IFT81: variants seen among roughly 807,000 people sequenced by gnomAD.
IFT81 encodes the protein intraflagellar transport 81.
In IFT81, 72 loss-of-function variants were observed where a neutral mutation model predicts 102.6. The observed-to-expected ratio is 0.70, with a 90% CI of 0.58 to 0.85. The LOEUF (loss-of-function observed/expected upper bound fraction) is 0.85. Among genes scored for constraint, IFT81 ranks in the 40% least tolerant of loss-of-function variants. The pLI, the probability that IFT81 is intolerant of heterozygous loss-of-function variation, is 0.00. For synonymous variants in IFT81, 237 were observed against 242.7 expected (o/e 0.98, Z 0.22); for missense variants, 723 against 787.3 (o/e 0.92, Z 0.98).
At chr12:110,171,541 GCTTGA>G (rs1179166512) in intron 11 of IFT81, among the ~76,000 whole-genome samples, 5 of 152,158 alleles carry the variant, frequency 3.3e-5, no homozygotes, top group Non-Finnish European at 7.4e-5. Context: ...CATTGCTTAT[GCTTGA>G]CTTGGTGAGA....
chr12:110,206,847 G>A (rs1361655604), intron 17 of IFT81, among the ~76,000 whole-genome samples: 1 of 151,844 alleles, frequency 6.6e-6, no homozygotes, highest in Non-Finnish European at 1.5e-5. Context: ...TTCTTTCATT[G>A]TATGTAAACT....
chr12:110,141,927 T>G (rs1894915775), intron 8 of IFT81, among the ~76,000 whole-genome samples: 2 of 152,076 alleles, frequency 1.3e-5, no homozygotes, highest in South Asian at 4.2e-4. Context: ...TGTAAATGTG[T>G]AAATGGAAAG....
chr12:110,161,076 A>G (rs936370013), intron 10 of IFT81, among the ~76,000 whole-genome samples: 2 of 149,816 alleles, frequency 1.3e-5, no homozygotes, highest in Admixed American at 6.6e-5. Flanking sequence ...TTATTTTATT[A>G]TTGAAGTATA....
chr12:110,177,195 A>C (rs1897071415), intron 11 of IFT81, among the ~76,000 whole-genome samples: 2 of 152,204 alleles, frequency 1.3e-5, no homozygotes, highest in Non-Finnish European at 2.9e-5. Flanking sequence ...TAACCTAATC[A>C]TGGATAGAAA....
chr12:110,184,336 C>T (rs538435404), intron 12 of IFT81, among the ~76,000 whole-genome samples: 9 of 151,986 alleles, frequency 5.9e-5, no homozygotes, highest in African/African-American at 9.6e-5. Flanking sequence ...GGTGACAGAG[C>T]GAGACTCCAT....
intron 11 of IFT81, among the ~76,000 whole-genome samples, chr12:110,175,739 A>T (rs2137496313): frequency 6.6e-6 from 1 of 152,162 alleles, no homozygotes; most frequent in East Asian, 1.9e-4. Context: ...CCACATCATC[A>T]CCAACACTTG....
At chr12:110,196,185 T>A (rs551575424) in intron 14 of IFT81, among the ~76,000 whole-genome samples, 20 of 152,328 alleles carry the variant, frequency 1.3e-4, no homozygotes, top group Admixed American at 1.2e-3. Context: ...AAAAAATGGT[T>A]AAAATGGCAA....
chr12:110,210,619 GTT>G (rs1473310965), intron 18 of IFT81, among the ~76,000 whole-genome samples: 1 of 151,372 alleles, frequency 6.6e-6, no homozygotes, highest in Admixed American at 6.6e-5. Flanking sequence ...TGCACCTGTA[GTT>G]GCAGCTACTC....
intron 10 of IFT81, among the ~76,000 whole-genome samples, chr12:110,158,691 G>A (rs1046294661): frequency 1.6e-4 from 24 of 152,022 alleles, no homozygotes; most frequent in Admixed American, 1.3e-4. Flanking sequence ...CCAGGTTCAC[G>A]CCATTCTCCT....
chr12:110,214,811 TA>T (rs1869877099), intron 18 of IFT81, among the ~76,000 whole-genome samples: 1 of 152,198 alleles, frequency 6.6e-6, no homozygotes, highest in Admixed American at 6.5e-5. Context: ...TCCAATGATA[TA>T]AGAAAAGTTA....
chr12:110,157,227 T>C (rs1895893188), intron 10 of IFT81, among the ~76,000 whole-genome samples: 1 of 152,106 alleles, frequency 6.6e-6, no homozygotes, highest in African/African-American at 2.4e-5. Flanking sequence ...CGTGTGCCTG[T>C]AGTTCCAGCT....
In IFT81 at chr12:110,129,000, C is replaced by G. The variant is rs778023348; in HGVS notation, c.299C>G (p.Pro100Arg). 38 of 1,613,048 alleles carry G rather than the reference C, an allele frequency of 2.4e-5. No individual in the cohort carries two copies. The highest frequency in any genetic ancestry group is 3.1e-5 in the Non-Finnish European group (37 of 1,179,708). The part of the protein sequence containing the change: ...LVIGSKPVIY[P>R]VLHWLLQRTN... ...ATTGGAAGTAAACCTGTAATTTACCCAGTGCTCCACTGGCTTCTTCAGAGG... is the reference window on the plus strand; with the variant it reads ...ATTGGAAGTAAACCTGTAATTTACCGAGTGCTCCACTGGCTTCTTCAGAGG... Residue 100 changes from proline to arginine, a missense_variant, in exon 4 of 19, where the codon CCA (proline) becomes CGA (arginine). Transcript: ENST00000242591.
intron 10 of IFT81, among the ~76,000 whole-genome samples, chr12:110,161,406 C>A (rs534113292): frequency 6.6e-6 from 1 of 151,832 alleles, no homozygotes; most frequent in East Asian, 1.9e-4. Context: ...CCGTGGCCTC[C>A]CAAAGTGCTG....
Position 110,129,140 on chromosome 12 carries a change from A to G in IFT81, c.429+10A>G. 1 of 1,560,352 alleles carries G rather than the reference A, an allele frequency of 6.4e-7. No homozygotes were observed. The highest frequency in any genetic ancestry group is 8.7e-7 in the Non-Finnish European group (1 of 1,153,588). On this transcript the variant is annotated intron_variant, in intron 4 of 18. Transcript: ENST00000242591. ...TGACACCAATAAACAGGTAAACAAT[A>G]CATAAATGGTACATTGAAACTGTAA...
intron 8 of IFT81, among the ~76,000 whole-genome samples, chr12:110,140,735 T>C (rs1001688275): frequency 1.3e-5 from 2 of 152,202 alleles, no homozygotes; most frequent in Non-Finnish European, 2.9e-5. Context: ...TATTTATTTA[T>C]TTTTTGAGAT....
rs1311153207 is a variant in IFT81 at position 110,124,603 on chromosome 12, A to C, written c.-280A>C. On this transcript the variant is annotated 5_prime_UTR_variant, in exon 1 of 19. Transcript: ENST00000242591. ...CGGGCCCCTTCTGGGATTCGAGCGG[A>C]TCCAGGCCGCTCCCTGGAGGGATGA... is the stretch of plus-strand genomic sequence containing the variant. 1 of 152,256 alleles carries C rather than the reference A, an allele frequency of 6.6e-6. No homozygotes were observed. The highest frequency in any genetic ancestry group is 1.5e-5 in the Non-Finnish European group (1 of 68,136). 9.4% of individuals were successfully genotyped at this position (152,256 alleles called of 1,614,324 possible). A position where few individuals can be genotyped will look rare whatever the true frequency, so the allele number is the denominator to read the frequency against.
intron 14 of IFT81, 188 bp from the exon 15 acceptor site, chr12:110,203,676 G>A: frequency 1.6e-6 from 1 of 610,370 alleles, no homozygotes; most frequent in Non-Finnish European, 3.0e-6. Flanking sequence ...ATACATGGTA[G>A]CTATTATTAT....
intron 12 of IFT81, among the ~76,000 whole-genome samples, chr12:110,185,750 C>T (rs1348073246): frequency 6.6e-6 from 1 of 151,980 alleles, no homozygotes; most frequent in Non-Finnish European, 1.5e-5. Context: ...TGCACTACCA[C>T]ACCCAGCTAA....
At chr12:110,206,776 G>A (rs894674471) in intron 17 of IFT81, among the ~76,000 whole-genome samples, 1 of 150,926 alleles carries the variant, frequency 6.6e-6, no homozygotes. Flanking sequence ...TGAAAATACT[G>A]TATAGAGCAG....
Sources: allele counts gnomAD v4.1 joint callset (sites outside exome capture counted in the v4.1 genomes callset), GRCh38; gene constraint gnomAD v4.1.1; transcripts MANE v1.5; gene names NCBI Gene and HGNC (gene_info 2026-07-23, HGNC 2026-07-21).